Variants in PRKG1 observed in about 807,000 individuals in gnomAD.
The protein encoded by PRKG1 is protein kinase cGMP-dependent 1.
PRKG1 carries 35 observed loss-of-function variants against 88.1 expected under a neutral mutation model. The ratio of observed to expected loss-of-function variants is 0.40; its 90% CI spans 0.30 to 0.53. The LOEUF is 0.53. Ranked by LOEUF, PRKG1 falls within the 20% of genes least tolerant of loss-of-function variation. The pLI is 0.59. For synonymous variants in PRKG1, 303 were observed against 292.5 expected (o/e 1.04, Z -0.37); for missense variants, 540 against 839.8 (o/e 0.64, Z 4.41).
intron 2 of PRKG1, among the ~76,000 whole-genome samples, chr10:51,408,133 G>A (rs1203069012): frequency 1.3e-5 from 2 of 152,168 alleles, no homozygotes; most frequent in Non-Finnish European, 2.9e-5. Context: ...CTGGACCTGT[G>A]AATCCCGGCT....
chr10:51,045,307 A>ATATTTATTTATT (rs113146187), intron 1 of PRKG1, among the ~76,000 whole-genome samples: 15 of 150,962 alleles, frequency 9.9e-5, no homozygotes, highest in African/African-American at 3.2e-4. Flanking sequence ...ATAGAAAAAA[A>ATATTTATTTATT]TATTTATTTA....
chr10:52,097,047 A>T (rs538994431), intron 7 of PRKG1, among the ~76,000 whole-genome samples: 3 of 152,238 alleles, frequency 2.0e-5, no homozygotes, highest in Admixed American at 6.5e-5. Context: ...AATCAGATAG[A>T]TTAAATAAAA....
intron 9 of PRKG1, among the ~76,000 whole-genome samples, chr10:52,186,104 A>G (rs1839194588): frequency 6.6e-6 from 1 of 152,204 alleles, no homozygotes; most frequent in South Asian, 2.1e-4. Flanking sequence ...CTATAAAGAA[A>G]TAACTGAAGC....
At chr10:51,571,195 G>A (rs1402672320) in intron 3 of PRKG1, among the ~76,000 whole-genome samples, 2 of 151,976 alleles carry the variant, frequency 1.3e-5, no homozygotes, top group Middle Eastern at 3.4e-3. Flanking sequence ...TGCCATGTAG[G>A]AATCCTCAGT....
At chr10:51,538,053 C>T (rs1361630176) in intron 3 of PRKG1, among the ~76,000 whole-genome samples, 2 of 152,100 alleles carry the variant, frequency 1.3e-5, no homozygotes, top group East Asian at 1.9e-4. Context: ...TACTAGTAAA[C>T]ATTGAGTAAG....
chr10:52,069,643 A>G (rs1012301158), intron 7 of PRKG1, among the ~76,000 whole-genome samples: 2 of 152,248 alleles, frequency 1.3e-5, no homozygotes, highest in African/African-American at 4.8e-5. Context: ...TTTATATAGA[A>G]GTAAAATGTT....
At chr10:51,469,179 G>C (rs945351413) in intron 3 of PRKG1, among the ~76,000 whole-genome samples, 1 of 151,686 alleles carries the variant, frequency 6.6e-6, no homozygotes, top group Admixed American at 6.6e-5. Context: ...AATAGTCATG[G>C]CTCCATTAAG....
chr10:51,713,146 T>C (rs1475470089), intron 3 of PRKG1, among the ~76,000 whole-genome samples: 1 of 152,210 alleles, frequency 6.6e-6, no homozygotes, highest in Non-Finnish European at 1.5e-5. Flanking sequence ...TTAGAATACA[T>C]GTTTTATTCC....
intron 4 of PRKG1, among the ~76,000 whole-genome samples, chr10:51,905,602 GT>G (rs200855643): frequency 6.6e-5 from 10 of 150,834 alleles, no homozygotes; most frequent in South Asian, 4.2e-4. Context: ...ATAACCTTTT[GT>G]TTTTTTTTAT....
intron 7 of PRKG1, among the ~76,000 whole-genome samples, chr10:52,109,845 T>G (rs116896704): frequency 0.018 from 2,809 of 151,928 alleles, 48 homozygotes; most frequent in Non-Finnish European, 0.028. Flanking sequence ...CTTACATAGG[T>G]CATATATAGC....
chr10:52,125,490 G>A (rs1246710340), intron 7 of PRKG1, among the ~76,000 whole-genome samples: 1 of 152,176 alleles, frequency 6.6e-6, no homozygotes, highest in Non-Finnish European at 1.5e-5. Context: ...CATTAGAGTA[G>A]CCCTCACTTA....
chr10:51,339,457 CT>C (rs1235105352), intron 2 of PRKG1, among the ~76,000 whole-genome samples: 1 of 151,836 alleles, frequency 6.6e-6, no homozygotes, highest in African/African-American at 2.4e-5. Context: ...AAGTTTCCAG[CT>C]TTTTTCCTGA....
intron 5 of PRKG1, among the ~76,000 whole-genome samples, chr10:52,031,405 C>T (rs1327582112): frequency 6.6e-6 from 1 of 152,136 alleles, no homozygotes; most frequent in African/African-American, 2.4e-5. Flanking sequence ...GATCCCTCAT[C>T]TGAAAAATGG....
chr10:51,442,794 A>C (rs559536532), intron 2 of PRKG1, among the ~76,000 whole-genome samples: 1 of 152,174 alleles, frequency 6.6e-6, no homozygotes, highest in African/African-American at 2.4e-5. Context: ...AAAACCAAAA[A>C]TTTCTCTTTA....
At chr10:51,503,273 A>G (rs928159481) in intron 3 of PRKG1, among the ~76,000 whole-genome samples, 3 of 152,076 alleles carry the variant, frequency 2.0e-5, no homozygotes, top group Admixed American at 6.6e-5. Flanking sequence ...TTCCTTTTAT[A>G]TGTAAAACAA....
chr10:51,938,266 T>C (rs1429808527), intron 5 of PRKG1, among the ~76,000 whole-genome samples: 1 of 152,070 alleles, frequency 6.6e-6, no homozygotes, highest in Non-Finnish European at 1.5e-5. Flanking sequence ...GTATTTCTTA[T>C]TAGTTATTAG....
chr10:51,705,570 CTAACAA>C (rs1387662284), intron 3 of PRKG1, among the ~76,000 whole-genome samples: 1 of 152,134 alleles, frequency 6.6e-6, no homozygotes, highest in Non-Finnish European at 1.5e-5. Context: ...AGAACTTTAC[CTAACAA>C]TGGACTCACT....
chr10:51,847,329 C>T (rs1198455550), intron 4 of PRKG1, among the ~76,000 whole-genome samples: 3 of 152,014 alleles, frequency 2.0e-5, no homozygotes. Context: ...AGCAAATATG[C>T]GTATAATCTC....
At chr10:51,489,149 A>G (rs1840633155) in intron 3 of PRKG1, among the ~76,000 whole-genome samples, 1 of 152,170 alleles carries the variant, frequency 6.6e-6, no homozygotes, top group South Asian at 2.1e-4. Context: ...GCTAGCCTTC[A>G]AAGACTTCAC....
Sources: allele counts gnomAD v4.1 joint callset (sites outside exome capture counted in the v4.1 genomes callset), GRCh38; gene constraint gnomAD v4.1.1; transcripts MANE v1.5; gene names NCBI Gene and HGNC (gene_info 2026-07-23, HGNC 2026-07-21).